EXTL3: variants seen among roughly 807,000 people sequenced by gnomAD.
EXTL3 encodes the protein exostosin like glycosyltransferase 3.
EXTL3 carries 27 observed loss-of-function variants against 69.3 expected under a neutral mutation model. The observed-to-expected ratio is 0.39, with a 90% CI of 0.29 to 0.54. The LOEUF (loss-of-function observed/expected upper bound fraction) is 0.54, where lower values mean the gene tolerates loss of function less well. EXTL3 is among the 20% of genes least tolerant of loss of function. The pLI is 0.69. For synonymous variants in EXTL3, 511 were observed against 499.4 expected (o/e 1.02, Z -0.31); for missense variants, 1,003 against 1,231.8 (o/e 0.81, Z 2.78).
In EXTL3 at chr8:28,638,938, A is replaced by ATT. The variant is rs61228702; in HGVS notation, c.-53+16144_-53+16145dup. 8.8e-3 allele frequency among the ~76,000 whole-genome samples: 1,198 copies of ATT among 136,206 alleles called. 26 individuals carry two copies. The highest frequency in any genetic ancestry group is 0.031 in the African/African-American group (1,119 of 35,750). The allele number at this position is 136,206 out of a possible 152,430, so 89.4% of individuals were successfully genotyped here. On this transcript the variant is annotated intron_variant, in intron 1 of 6. Coordinates refer to the EXTL3 transcript ENST00000523149. ...GAGCCACTGAGCCTGGCTAGGAATA[A>ATT]TTTTTTTTTTTTTTTTTGAGATGGA...
intron 1 of EXTL3, among the ~76,000 whole-genome samples, chr8:28,665,762 C>T (rs775410897): frequency 6.6e-6 from 1 of 152,028 alleles, no homozygotes; most frequent in Admixed American, 6.6e-5. Flanking sequence ...TTTTCTTATG[C>T]CCTGTAATCA....
chr8:28,670,339 T>C (rs1585241922), intron 1 of EXTL3, among the ~76,000 whole-genome samples: 1 of 152,232 alleles, frequency 6.6e-6, no homozygotes, highest in South Asian at 2.1e-4. Flanking sequence ...AGTTCTGTAT[T>C]AAGGGATTGC....
intron 1 of EXTL3, among the ~76,000 whole-genome samples, chr8:28,688,654 A>G (rs1800565758): frequency 1.3e-5 from 2 of 152,190 alleles, no homozygotes; most frequent in South Asian, 4.1e-4. Context: ...GTGTTGTAAG[A>G]TGATGGTAGC....
intron 6 of EXTL3, among the ~76,000 whole-genome samples, chr8:28,745,803 G>A (rs1358921479): frequency 6.6e-6 from 1 of 152,150 alleles, no homozygotes; most frequent in African/African-American, 2.4e-5. Context: ...CATTAGTTAA[G>A]CCATCTCTTC....
intron 1 of EXTL3, among the ~76,000 whole-genome samples, chr8:28,641,331 G>A (rs1241992542): frequency 1.3e-5 from 2 of 152,164 alleles, no homozygotes; most frequent in Non-Finnish European, 2.9e-5. Context: ...AACTTCACAG[G>A]GGCAATGGAG....
At position 28,716,975 on chromosome 8, in the gene EXTL3, G is replaced by A. The variant is rs1333620859; in HGVS notation, c.916G>A (p.Val306Ile). The change falls in exon 3 of 7, where the codon GTC (valine) becomes ATC (isoleucine). Residue 306 changes from valine to isoleucine, a missense_variant. Coordinates refer to ENST00000220562, the MANE Select transcript of EXTL3 (RefSeq NM_001440.4). This position sits in a 1 kb window ranked among gnomAD's most constrained non-coding sequence, Gnocchi z 7.1. ...AMVAQSTFYT[V>I]QYRPGFDLVV... ...GGTGGCCCAGTCCACCTTCTACACT[G>A]TCCAGTACAGACCTGGCTTTGACTT... The A allele has an allele frequency of 3.7e-6, 6 of 1,614,106 alleles. No homozygotes were observed. The highest frequency in any genetic ancestry group is 1.7e-5 in the Admixed American group (1 of 60,004).
At chr8:28,677,336 T>G (rs1278615078) in intron 1 of EXTL3, among the ~76,000 whole-genome samples, 1 of 152,138 alleles carries the variant, frequency 6.6e-6, no homozygotes, top group African/African-American at 2.4e-5. Context: ...GCTATTTACT[T>G]GTACCTTTCT....
intron 1 of EXTL3, among the ~76,000 whole-genome samples, chr8:28,665,193 T>A (rs895740947): frequency 8.2e-5 from 12 of 145,926 alleles, no homozygotes; most frequent in Admixed American, 3.5e-4. Context: ...TGCCTCAGCC[T>A]CCCGAGTAGC....
At chr8:28,643,418 C>CTT (rs1395744351) in intron 1 of EXTL3, among the ~76,000 whole-genome samples, 2 of 100,258 alleles carry the variant, frequency 2.0e-5, no homozygotes, top group African/African-American at 4.6e-5. Context: ...CTTTTTTTTT[C>CTT]TTTTTTTCTT....
intron 4 of EXTL3, among the ~76,000 whole-genome samples, chr8:28,735,505 T>G (rs1408607341): frequency 1.3e-5 from 2 of 152,244 alleles, no homozygotes; most frequent in Non-Finnish European, 2.9e-5. Flanking sequence ...GTCTCTTAAC[T>G]GTCATTCATG....
chr8:28,654,906 GA>G (rs1255621461), intron 1 of EXTL3, among the ~76,000 whole-genome samples: 1 of 152,140 alleles, frequency 6.6e-6, no homozygotes, highest in African/African-American at 2.4e-5. Context: ...GGCAAACAGA[GA>G]ACTATTATTT....
chr8:28,608,172 C>T (rs186681504), intron 2 of EXTL3, among the ~76,000 whole-genome samples: 6 of 151,796 alleles, frequency 4.0e-5, no homozygotes, highest in African/African-American at 1.5e-4. Flanking sequence ...TACTGAAACA[C>T]ACAGAGAACT....
chr8:28,642,564 G>C (rs1806761457), intron 1 of EXTL3, among the ~76,000 whole-genome samples: 1 of 151,964 alleles, frequency 6.6e-6, no homozygotes, highest in Non-Finnish European at 1.5e-5. Flanking sequence ...GCTGCAGTGA[G>C]CTCTGATTGT....
At chr8:28,702,124 T>C (rs1800817662) in intron 1 of EXTL3, among the ~76,000 whole-genome samples, 1 of 152,120 alleles carries the variant, frequency 6.6e-6, no homozygotes, top group Admixed American at 6.5e-5. Flanking sequence ...AGCTCCGGAC[T>C]ACCCCCACCC....
intron 1 of EXTL3, among the ~76,000 whole-genome samples, chr8:28,646,278 G>A (rs969667293): frequency 6.6e-6 from 1 of 152,162 alleles, no homozygotes; most frequent in Admixed American, 6.5e-5. Context: ...TAATAGTTGA[G>A]GTCTTGTGAA....
intron 3 of EXTL3, among the ~76,000 whole-genome samples, chr8:28,727,290 T>C (rs1261302845): frequency 6.6e-6 from 1 of 152,322 alleles, no homozygotes; most frequent in Non-Finnish European, 1.5e-5. Context: ...TGAGCAGAGA[T>C]GGCAGGCGCC....
Position 28,721,326 on chromosome 8 carries a change from C to T in EXTL3, c.2148+3119C>T, listed in dbSNP as rs549959763. Among the ~76,000 whole-genome samples the T allele has an allele frequency of 3.3e-5, 5 of 152,324 alleles. No homozygotes were observed. The South Asian group carries it at 6.2e-4, about 19-fold the overall frequency. On this transcript the variant is annotated intron_variant, in intron 3 of 6. Coordinates refer to ENST00000220562, the MANE Select transcript of EXTL3 (RefSeq NM_001440.4). ...TGGGCCAGAGACAGAGCAGTTTCTA[C>T]GCAGAACTTGGAGCTCCCTCTCTCT...
At chr8:28,718,541 A>T (rs1801218299) in intron 3 of EXTL3, among the ~76,000 whole-genome samples, 1 of 152,350 alleles carries the variant, frequency 6.6e-6, no homozygotes, top group Admixed American at 6.5e-5. Flanking sequence ...ACCATTTAGG[A>T]AGCACTTAGC....
intron 1 of EXTL3, among the ~76,000 whole-genome samples, chr8:28,673,015 T>A (rs979717327): frequency 1.3e-5 from 2 of 152,222 alleles, no homozygotes; most frequent in African/African-American, 4.8e-5. Flanking sequence ...AGATGTGCCT[T>A]TAGCCTTCCA....
Sources: allele counts gnomAD v4.1 joint callset (sites outside exome capture counted in the v4.1 genomes callset), GRCh38; gene constraint gnomAD v4.1.1; non-coding constraint Gnocchi (gnomAD v3.1); transcripts MANE v1.5; gene names NCBI Gene and HGNC (gene_info 2026-07-23, HGNC 2026-07-21).